Variants in LDLRAD4 observed in about 807,000 individuals in gnomAD.
The protein encoded by LDLRAD4 is low density lipoprotein receptor class A domain containing 4.
A neutral mutation model predicts 17.0 loss-of-function variants in LDLRAD4; 5 were observed. The observed-to-expected ratio is 0.29, with a 90% CI of 0.15 to 0.62. The LOEUF (loss-of-function observed/expected upper bound fraction) is 0.62. Among genes scored for constraint, LDLRAD4 ranks in the 20% least tolerant of loss-of-function variants. LDLRAD4 has a pLI of 0.84. For missense variants in LDLRAD4, 340 were observed against 424.7 expected, an observed-to-expected ratio of 0.80 and a Z score of 1.75; for synonymous variants, 168 against 171.8, an observed-to-expected ratio of 0.98 and a Z score of 0.17.
chr18:13,356,709 G>C (rs80141061), intron 1 of LDLRAD4, among the ~76,000 whole-genome samples: 1 of 152,054 alleles, frequency 6.6e-6, no homozygotes, highest in Non-Finnish European at 1.5e-5. Flanking sequence ...CCCCTTTCCC[G>C]TCACACCATC....
intron 3 of LDLRAD4, among the ~76,000 whole-genome samples, chr18:13,511,284 C>T (rs764741546): frequency 5.3e-5 from 8 of 152,182 alleles, no homozygotes; most frequent in Non-Finnish European, 1.2e-4. Flanking sequence ...CCTGTAATCC[C>T]AGCACTTTGG....
At chr18:13,614,577 T>C (rs138306978) in intron 3 of LDLRAD4, 233 of 152,344 alleles carry the variant, frequency 1.5e-3, no homozygotes, top group African/African-American at 5.4e-3. Flanking sequence ...TGTGAAGTCA[T>C]TCTTGTAACA....
chr18:13,430,959 T>C (rs1335362611), intron 2 of LDLRAD4, among the ~76,000 whole-genome samples: 1 of 152,186 alleles, frequency 6.6e-6, no homozygotes, highest in Non-Finnish European at 1.5e-5. Flanking sequence ...GTACCATTGA[T>C]CCTCATGAAG....
At chr18:13,249,155 G>T (rs911384366) in intron 1 of LDLRAD4, among the ~76,000 whole-genome samples, 3 of 152,212 alleles carry the variant, frequency 2.0e-5, no homozygotes, top group African/African-American at 7.2e-5. Context: ...CTCTGTTGTG[G>T]ATCACCTAGG....
At chr18:13,401,914 T>G (rs2087247630) in intron 2 of LDLRAD4, among the ~76,000 whole-genome samples, 1 of 152,204 alleles carries the variant, frequency 6.6e-6, no homozygotes, top group South Asian at 2.1e-4. Flanking sequence ...GAAGTTACTC[T>G]CACGCTTCCC....
At chr18:13,649,402 C>CCT (rs1365410195) in exon 6 of LDLRAD4, 2 of 152,518 alleles carry the variant, frequency 1.3e-5, no homozygotes, top group Admixed American at 1.3e-4. Flanking sequence ...CAGGGGCCAT[C>CCT]CTCTATCTTC....
chr18:13,328,616 TA>T (rs750162223), intron 1 of LDLRAD4, among the ~76,000 whole-genome samples: 1 of 152,244 alleles, frequency 6.6e-6, no homozygotes, highest in Non-Finnish European at 1.5e-5. Context: ...TCTTAGTGTT[TA>T]TTGAGCGTCA....
At chr18:13,313,023 A>C (rs62097355) in intron 1 of LDLRAD4, among the ~76,000 whole-genome samples, 55,426 of 151,742 alleles carry the variant, frequency 0.37, 10,861 homozygotes, top group African/African-American at 0.51. Context: ...CTGGTCACTG[A>C]CTTCGTTAAG....
chr18:13,490,679 C>G (rs1296390109), intron 3 of LDLRAD4: 2 of 152,216 alleles, frequency 1.3e-5, no homozygotes, highest in African/African-American at 4.8e-5. Flanking sequence ...GCCCCAAACT[C>G]TCTTCAACCT....
chr18:13,524,950 G>C lies in LDLRAD4; in HGVS notation c.181+86566G>C, dbSNP rs542856430. On this transcript the variant is annotated intron_variant, in intron 3 of 5. Transcript: ENST00000359446. ...CCAGTTCTAAATTAAGGCTGCCCTAGTTAAAGCTGCTTATATCTTCACTGT... is the reference window on the plus strand; with the variant it reads ...CCAGTTCTAAATTAAGGCTGCCCTACTTAAAGCTGCTTATATCTTCACTGT... Among the ~76,000 whole-genome samples the C allele has an allele frequency of 5.9e-5, 9 of 152,364 alleles. No homozygotes were observed. In the East Asian group the frequency reaches 1.5e-3, roughly 26 times the overall value.
exon 6 of LDLRAD4, chr18:13,647,803 T>C (rs1328577262): frequency 1.1e-4 from 16 of 152,142 alleles, no homozygotes; most frequent in Admixed American, 9.8e-4. Context: ...AGAGTCACAG[T>C]GGAGGTTCTG....
At chr18:13,431,607 A>G (rs1416415095) in intron 2 of LDLRAD4, among the ~76,000 whole-genome samples, 1 of 152,170 alleles carries the variant, frequency 6.6e-6, no homozygotes, top group Non-Finnish European at 1.5e-5. Context: ...TATGGTTCTC[A>G]TAGAATTTGA....
intron 1 of LDLRAD4, among the ~76,000 whole-genome samples, chr18:13,319,551 A>G (rs1452106009): frequency 6.6e-6 from 1 of 152,202 alleles, no homozygotes. Flanking sequence ...GTCTCTCTCT[A>G]AAAGTTATCA....
chr18:13,505,830 A>C (rs2093683238), intron 3 of LDLRAD4, among the ~76,000 whole-genome samples: 1 of 149,728 alleles, frequency 6.7e-6, no homozygotes, highest in East Asian at 1.9e-4. Context: ...AAAAACAAAA[A>C]CAAAAACAAA....
At chr18:13,574,471 T>C (rs575486622) in intron 3 of LDLRAD4, among the ~76,000 whole-genome samples, 2 of 152,298 alleles carry the variant, frequency 1.3e-5, no homozygotes, top group East Asian at 3.9e-4. Context: ...GAGCAGGAAC[T>C]ATGTCCTGTT....
chr18:13,432,152 G>A (rs1027907260), intron 2 of LDLRAD4, among the ~76,000 whole-genome samples: 28 of 152,202 alleles, frequency 1.8e-4, no homozygotes, highest in African/African-American at 3.4e-4. Flanking sequence ...GAGTGAGTGC[G>A]TGCATCATCC....
intron 1 of LDLRAD4, among the ~76,000 whole-genome samples, chr18:13,264,323 G>A (rs952959818): frequency 5.9e-5 from 9 of 152,272 alleles, no homozygotes; most frequent in Admixed American, 3.9e-4. Flanking sequence ...CCCCGCCCCC[G>A]AGTTATCCTC....
chr18:13,634,119 G>A (rs1427727147), intron 4 of LDLRAD4, among the ~76,000 whole-genome samples: 2 of 152,212 alleles, frequency 1.3e-5, no homozygotes, highest in Non-Finnish European at 2.9e-5. Context: ...AATGGTAAAA[G>A]ACTGAAAGCT....
At chr18:13,449,207 C>G (rs2091630527) in intron 3 of LDLRAD4, among the ~76,000 whole-genome samples, 1 of 152,196 alleles carries the variant, frequency 6.6e-6, no homozygotes, top group South Asian at 2.1e-4. Context: ...CAGACAGCTC[C>G]TAGAAAAATT....
Sources: gnomAD v4.1 joint callset for allele counts (sites outside exome capture counted in the v4.1 genomes callset) on GRCh38, gnomAD v4.1.1 for gene constraint, MANE v1.5 for transcripts, NCBI Gene and HGNC (gene_info 2026-07-23, HGNC 2026-07-21) for gene names.